The following MYO3A variants were observed in gnomAD, a reference collection of about 807,000 sequenced individuals.
The protein encoded by MYO3A is myosin IIIA.
A neutral mutation model predicts 192.7 loss-of-function variants in MYO3A; 180 were observed. The observed-to-expected ratio is 0.93, with a 90% CI of 0.83 to 1.06. The LOEUF is 1.06. Ranked by LOEUF, MYO3A falls within the 50% of genes least tolerant of loss-of-function variation. The pLI is 0.00. For missense variants in MYO3A, 1,896 were observed against 1,905.0 expected (o/e 1.00, Z 0.09); for synonymous variants, 628 against 645.3 (o/e 0.97, Z 0.41).
chr10:26,158,208 TA>T (rs757367969), intron 26 of MYO3A, among the ~76,000 whole-genome samples: 5 of 152,212 alleles, frequency 3.3e-5, no homozygotes, highest in Admixed American at 6.5e-5. Flanking sequence ...AAAGCTAACA[TA>T]AATTTTTTTA....
intron 18 of MYO3A, 120 bp from the exon 19 acceptor site, chr10:26,125,278 A>G: frequency 1.1e-6 from 1 of 897,840 alleles, no homozygotes; most frequent in Non-Finnish European, 1.8e-6. Context: ...TTTTTACATT[A>G]CATAATCTCC....
Position 26,028,573 on chromosome 10 carries a change from A to G in MYO3A, c.953+2041A>G, listed in dbSNP as rs369890961. Among the ~76,000 whole-genome samples, 9 of 152,322 alleles carry G rather than the reference A, an allele frequency of 5.9e-5. No homozygotes were observed. The East Asian group carries it at 1.2e-3, about 20-fold the overall frequency. On this transcript the variant is annotated intron_variant, in intron 10 of 34. Transcript: ENST00000642920. ...TCATTCTTCCCGAAACAGACAACCA[A>G]TAATCAAAATAAACAGAAATTGAAG...
intron 6 of MYO3A, among the ~76,000 whole-genome samples, chr10:26,012,138 C>T (rs1841701311): frequency 6.6e-6 from 1 of 152,208 alleles, no homozygotes; most frequent in East Asian, 1.9e-4. Flanking sequence ...CACACAGCCA[C>T]CATCATACTG....
Position 25,996,540 on chromosome 10 carries a change from G to A in MYO3A, c.354G>A (p.Arg118=), listed in dbSNP as rs781443677. 2 of 1,613,820 alleles carry A rather than the reference G, an allele frequency of 1.2e-6. No individual in the cohort carries two copies. Among genetic ancestry groups the A allele is most frequent in the South Asian group, 2.2e-5 (2 of 91,070 alleles). Residue 118 remains arginine (R), a synonymous_variant, in exon 5 of 35, where the codon AGG becomes AGA. Coordinates refer to ENST00000642920, the MANE Select transcript of MYO3A (RefSeq NM_017433.5). ...VTDLVKGFLK[R]GERMSEPLIA... is the part of the protein sequence containing the mutation. Reference sequence around the variant, plus strand: ...ACCTTGTGAAAGGATTTCTGAAGAGGGGTGAAAGAATGAGTGAGCCTCTAA... The same window carrying A: ...ACCTTGTGAAAGGATTTCTGAAGAGAGGTGAAAGAATGAGTGAGCCTCTAA...
In MYO3A at chr10:26,096,602, G is replaced by A; in HGVS notation, c.1696G>A (p.Asp566Asn). The change falls in exon 17 of 35, where the codon GAC becomes AAC. Residue 566 changes from aspartate to asparagine, a missense_variant. Asp to Asn is a conservative substitution (Grantham distance 23). Transcript: ENST00000642920. ...AAATGACCACCTCAGAACAGTACAA[G>A]ACATCATGAATAATAGTTTCTATAA... ...LQNDHLRTVQ[D>N]IMNNSFYKSQ... The A allele has an allele frequency of 6.2e-7, 1 of 1,605,454 alleles. No individual in the cohort carries two copies. Among genetic ancestry groups the A allele is most frequent in the Non-Finnish European group, 8.5e-7 (1 of 1,172,520 alleles).
intron 15 of MYO3A, among the ~76,000 whole-genome samples, chr10:26,095,110 G>C (rs1047396549): frequency 1.3e-5 from 2 of 152,156 alleles, no homozygotes; most frequent in Non-Finnish European, 2.9e-5. Flanking sequence ...GCACAGTTCA[G>C]GCCACTGCCA....
chr10:26,081,139 C>CCG (rs1835917708), intron 14 of MYO3A, among the ~76,000 whole-genome samples: 1 of 106,222 alleles, frequency 9.4e-6, no homozygotes, highest in Non-Finnish European at 2.4e-5. Flanking sequence ...CCCTTCCCCC[C>CCG]CCCCCCGCCC....
chr10:26,065,605 A>AAAAAAAAAAT (rs1834784369), intron 10 of MYO3A, among the ~76,000 whole-genome samples: 1 of 118,726 alleles, frequency 8.4e-6, no homozygotes, highest in Non-Finnish European at 1.8e-5. Context: ...AAAAAAAAAA[A>AAAAAAAAAAT]AAAAAAAAGT....
chr10:25,983,261 G>T lies in MYO3A; in HGVS notation c.304-13229G>T, dbSNP rs1010170189. ...TCAAAGACAAAGAAAAATGATTTTT[G>T]TTTTTTTTTTTTGAGACAAATTCCC... is the stretch of plus-strand genomic sequence containing the variant. On this transcript the variant is annotated intron_variant, in intron 4 of 34. Coordinates refer to ENST00000642920, the MANE Select transcript of MYO3A (RefSeq NM_017433.5). Among the ~76,000 whole-genome samples, 23 of 142,024 alleles carry T rather than the reference G, an allele frequency of 1.6e-4. 1 individual carries two copies. The South Asian group carries it at 4.6e-3, about 28-fold the overall frequency. The allele number at this position is 142,024 out of a possible 152,430, so 93.2% of individuals were successfully genotyped here. A position where few individuals can be genotyped will look rare whatever the true frequency, so the allele number is the denominator to read the frequency against.
intron 6 of MYO3A, among the ~76,000 whole-genome samples, chr10:26,012,554 A>G (rs1841733152): frequency 6.6e-6 from 1 of 152,202 alleles, no homozygotes; most frequent in Admixed American, 6.5e-5. Context: ...GATCTCTACA[A>G]GGAGAACTAC....
At chr10:26,181,889 G>GA (rs1251918306) in intron 31 of MYO3A, among the ~76,000 whole-genome samples, 6 of 151,150 alleles carry the variant, frequency 4.0e-5, no homozygotes, top group Non-Finnish European at 5.9e-5. Flanking sequence ...TATATGGTAA[G>GA]AAAAAAAATT....
chr10:26,157,405 T>A lies in MYO3A; in HGVS notation c.2889T>A (p.Tyr963Ter), dbSNP rs780660152. ...ATAGTGAGCGTCAGGCAAGAAAATATGACAAAGAGAAAGTTCTGCTACAGC... is the reference window on the plus strand; with the variant it reads ...ATAGTGAGCGTCAGGCAAGAAAATAAGACAAAGAGAAAGTTCTGCTACAGC... ...KPNSERQARK[Y>*]DKEKVLLQLR... The change falls in exon 26 of 35, where the codon TAT becomes TAA. Residue 963 changes from tyrosine (Y) to a stop codon, truncating the protein, a stop_gained. Transcript: ENST00000642920. LOFTEE classifies it high-confidence loss of function. 6.2e-7 allele frequency: 1 copy of A among 1,614,150 alleles called. No individual in the cohort carries two copies. Among genetic ancestry groups the A allele is most frequent in the East Asian group, 2.2e-5 (1 of 44,876 alleles).
chr10:26,174,169 A>G lies in MYO3A; in HGVS notation c.3905A>G (p.Glu1302Gly). 1 of 1,614,208 alleles carries G rather than the reference A, an allele frequency of 6.2e-7. No individual in the cohort carries two copies. Among genetic ancestry groups the G allele is most frequent in the Non-Finnish European group, 8.5e-7 (1 of 1,180,014 alleles). ...RSIYQNANSM[E>G]KEKKTSVVTQ... ...ATTTATCAAAATGCAAACAGCATGG[A>G]AAAAGAAAAGAAGACATCTGTAGTT... is the stretch of plus-strand genomic sequence containing the variant. Residue 1302 changes from glutamate (E) to glycine (G), a missense_variant, in exon 30 of 35, where the codon GAA becomes GGA. By Grantham distance (98) the Glu-to-Gly change is moderately conservative. Transcript: ENST00000642920.
chr10:26,098,714 A>G (rs1461310685), intron 17 of MYO3A, among the ~76,000 whole-genome samples: 1 of 152,142 alleles, frequency 6.6e-6, no homozygotes, highest in Non-Finnish European at 1.5e-5. Context: ...CAAAGATCAG[A>G]TGGTTGTAGA....
intron 31 of MYO3A, among the ~76,000 whole-genome samples, chr10:26,182,323 G>A (rs1033307850): frequency 6.6e-5 from 10 of 152,178 alleles, no homozygotes; most frequent in African/African-American, 2.4e-4. Context: ...CTGCCATGCT[G>A]TCTCAAGCCA....
chr10:26,197,384 G>T (rs1287886738), intron 32 of MYO3A, among the ~76,000 whole-genome samples: 1 of 152,166 alleles, frequency 6.6e-6, no homozygotes, highest in African/African-American at 2.4e-5. Flanking sequence ...TTTAAGACCA[G>T]AAGGGTTAGT....
At chr10:26,117,640 A>G (rs933807318) in intron 17 of MYO3A, among the ~76,000 whole-genome samples, 1 of 152,184 alleles carries the variant, frequency 6.6e-6, no homozygotes, top group African/African-American at 2.4e-5. Context: ...AATGGCCTCC[A>G]GTCCATCCAT....
intron 31 of MYO3A, among the ~76,000 whole-genome samples, chr10:26,187,054 G>C (rs1487043681): frequency 1.3e-5 from 2 of 152,074 alleles, no homozygotes; most frequent in Non-Finnish European, 2.9e-5. Context: ...TGACAATAGT[G>C]ATCCAGTTCA....
At chr10:26,105,711 A>G (rs901435482) in intron 17 of MYO3A, among the ~76,000 whole-genome samples, 5 of 152,068 alleles carry the variant, frequency 3.3e-5, no homozygotes, top group Admixed American at 6.5e-5. Flanking sequence ...TCGTTTATTC[A>G]AACAAATTTA....
Sources: allele counts gnomAD v4.1 joint callset (sites outside exome capture counted in the v4.1 genomes callset), GRCh38; gene constraint gnomAD v4.1.1; transcripts MANE v1.5; gene names NCBI Gene and HGNC (gene_info 2026-07-23, HGNC 2026-07-21).